The following RASA2 variants were observed in gnomAD, a reference collection of about 807,000 sequenced individuals.
RASA2 encodes RAS p21 protein activator 2.
In RASA2, 155 loss-of-function variants were observed where a neutral mutation model predicts 118.2. The ratio of observed to expected loss-of-function variants is 1.31; its 90% CI spans 1.15 to 1.50. The LOEUF is 1.50. Ranked by LOEUF, RASA2 falls within the 40% of genes most tolerant of loss-of-function variation. The pLI, the probability that RASA2 is intolerant of heterozygous loss-of-function variation, is 0.00. For synonymous variants in RASA2, 353 were observed against 349.1 expected (o/e 1.01, Z -0.12); for missense variants, 1,016 against 1,009.6 (o/e 1.01, Z -0.09).
chr3:141,494,405 G>C (rs2081674857), intron 1 of RASA2, among the ~76,000 whole-genome samples: 1 of 152,242 alleles, frequency 6.6e-6, no homozygotes, highest in Non-Finnish European at 1.5e-5. Context: ...TTAAATGAGA[G>C]TGAGGATTGC....
At chr3:141,580,492 A>G (rs114264974) in intron 16 of RASA2, 41 bp downstream of exon 16, 24,595 of 1,455,822 alleles carry the variant, frequency 0.017, 244 homozygotes, top group Middle Eastern at 0.02. Flanking sequence ...ACACTTCTAA[A>G]TGTTGTTACA....
chr3:141,554,324 A>G (rs749584945), intron 6 of RASA2, among the ~76,000 whole-genome samples: 3 of 152,190 alleles, frequency 2.0e-5, no homozygotes, highest in Non-Finnish European at 4.4e-5. Flanking sequence ...TAACAAGACA[A>G]TTTATATATT....
intron 5 of RASA2, among the ~76,000 whole-genome samples, chr3:141,550,869 A>G (rs916441214): frequency 2.6e-5 from 4 of 152,250 alleles, no homozygotes; most frequent in African/African-American, 4.8e-5. Context: ...AAACTGAAGT[A>G]CTGATTCTCA....
rs747214144 is a variant in RASA2, at chr3:141,512,220, G to T, written c.191G>T (p.Cys64Phe). 6.2e-7 allele frequency: 1 copy of T among 1,601,608 alleles called. No individual in the cohort carries two copies. Among genetic ancestry groups the T allele is most frequent in the African/African-American group, 1.4e-5 (1 of 74,006 alleles). The change falls in exon 2 of 24, where the codon TGT (cysteine) becomes TTT (phenylalanine). Residue 64 changes from cysteine (C) to phenylalanine (F), a missense_variant. Physicochemically the swap from Cys to Phe is radical, Grantham distance 205. This residue lies in a region of RASA2 where 896 missense variants were observed against 836.4 expected (regional missense o/e 1.07). Transcript: ENST00000286364. Reference protein sequence around the residue: ...LGPHKMRDCFCTINLDQEEVY... With the variant: ...LGPHKMRDCFFTINLDQEEVY... ...CCCCACAAAATGAGAGATTGTTTCTGTACCATAAATTTGGACCAGGAAGAA... is the reference window on the plus strand; with the variant it reads ...CCCCACAAAATGAGAGATTGTTTCTTTACCATAAATTTGGACCAGGAAGAA...
chr3:141,588,639 A>G (rs2083242746), intron 19 of RASA2, among the ~76,000 whole-genome samples: 1 of 152,148 alleles, frequency 6.6e-6, no homozygotes, highest in Non-Finnish European at 1.5e-5. Flanking sequence ...TAGAGTGATA[A>G]GAAAAAATTT....
Position 141,553,852 on chromosome 3 carries a change from C to T in RASA2, c.528-5C>T. 6.2e-7 allele frequency: 1 copy of T among 1,606,928 alleles called. No individual in the cohort carries two copies. Among genetic ancestry groups the T allele is most frequent in the African/African-American group, 1.3e-5 (1 of 74,548 alleles). ...ATATGTTAAATCTCTTTTATTCTAC[C>T]TTAGCATCAAGGCATGCCATGGGTT... On this transcript the variant is annotated splice_polypyrimidine_tract_variant and splice_region_variant and intron_variant, in intron 5 of 23. Transcript: ENST00000286364.
At chr3:141,580,084 AAATATATATATATAT>A (rs1213477104) in intron 15 of RASA2, among the ~76,000 whole-genome samples, 4 of 88,946 alleles carry the variant, frequency 4.5e-5, no homozygotes, top group East Asian at 4.0e-4. Flanking sequence ...AAAAAAAAAA[AAATATATATATATAT>A]ATATATATAT....
intron 1 of RASA2, among the ~76,000 whole-genome samples, chr3:141,510,071 G>C (rs1032598943): frequency 6.6e-6 from 1 of 151,874 alleles, no homozygotes; most frequent in African/African-American, 2.4e-5. Context: ...TTTTTTATAG[G>C]TGCTTCTTAG....
intron 19 of RASA2, chr3:141,590,213 G>A: frequency 2.2e-6 from 1 of 454,734 alleles, no homozygotes; most frequent in East Asian, 7.0e-5. Flanking sequence ...TTCTGATTTA[G>A]TGATATTTTC....
intron 3 of RASA2, among the ~76,000 whole-genome samples, chr3:141,517,457 A>G (rs74753755): frequency 0.011 from 1,719 of 152,176 alleles, 24 homozygotes; most frequent in African/African-American, 0.039. Context: ...GGCAGGAGAG[A>G]GGAGAGTTGG....
intron 17 of RASA2, among the ~76,000 whole-genome samples, chr3:141,584,175 A>T (rs1036341006): frequency 6.6e-6 from 1 of 152,014 alleles, no homozygotes; most frequent in Non-Finnish European, 1.5e-5. Flanking sequence ...TACTAAAAAT[A>T]CAAAAATTAG....
At chr3:141,529,304 A>G (rs2151093866) in intron 3 of RASA2, among the ~76,000 whole-genome samples, 1 of 152,256 alleles carries the variant, frequency 6.6e-6, no homozygotes, top group African/African-American at 2.4e-5. Flanking sequence ...CTAAATGCAG[A>G]TACATCTGCT....
intron 5 of RASA2, among the ~76,000 whole-genome samples, chr3:141,548,892 CTTAT>C (rs964512170): frequency 2.0e-5 from 3 of 152,162 alleles, no homozygotes; most frequent in African/African-American, 7.2e-5. Flanking sequence ...TCTCATCATT[CTTAT>C]TTATCTGGAA....
intron 1 of RASA2, among the ~76,000 whole-genome samples, chr3:141,501,306 C>T (rs1262915243): frequency 6.6e-6 from 1 of 151,998 alleles, no homozygotes; most frequent in African/African-American, 2.4e-5. Flanking sequence ...TCTGTTATAC[C>T]CAGTTGTTAT....
At chr3:141,580,294 T>TACTCTATTC in intron 15 of RASA2, 74 bp from the exon 16 acceptor site, 5 of 1,132,776 alleles carry the variant, frequency 4.4e-6, no homozygotes, top group Non-Finnish European at 6.4e-6. Flanking sequence ...GTAGTCCATT[T>TACTCTATTC]ACTCTATTCT....
At chr3:141,523,079 A>G (rs1408534760) in intron 3 of RASA2, among the ~76,000 whole-genome samples, 1 of 151,712 alleles carries the variant, frequency 6.6e-6, no homozygotes, top group East Asian at 1.9e-4. Context: ...CTTCTTATGT[A>G]TGGATATTTT....
chr3:141,569,780 CT>C (rs921577804), intron 9 of RASA2, among the ~76,000 whole-genome samples: 5 of 152,090 alleles, frequency 3.3e-5, no homozygotes, highest in African/African-American at 4.8e-5. Flanking sequence ...CCCTACCCCC[CT>C]ATCTCCCTCC....
At chr3:141,595,803 A>T (rs1012255694) in intron 19 of RASA2, among the ~76,000 whole-genome samples, 4 of 151,574 alleles carry the variant, frequency 2.6e-5, no homozygotes, top group African/African-American at 9.7e-5. Flanking sequence ...TGATTTTCTG[A>T]TTTTTTGTAG....
chr3:141,570,980 T>C lies in RASA2; in HGVS notation c.932T>C (p.Leu311Ser). 6.2e-7 allele frequency: 1 copy of C among 1,612,594 alleles called. No homozygotes were observed. The highest frequency in any genetic ancestry group is 8.5e-7 in the Non-Finnish European group (1 of 1,179,170). The change falls in exon 10 of 24, where the codon TTA becomes TCA. Residue 311 changes from leucine to serine, a missense_variant. By Grantham distance (145) the Leu-to-Ser change is moderately radical. Coordinates refer to ENST00000286364, the MANE Select transcript of RASA2 (RefSeq NM_006506.5). Reference protein sequence around the residue: ...SKTDDLGSLRLNICYTEDYVL... With the variant: ...SKTDDLGSLRSNICYTEDYVL... ...ACTGATGACCTGGGGTCTCTTCGAT[T>C]AAATATATGTTATACAGAAGACTAC...
Sources: allele counts gnomAD v4.1 joint callset (sites outside exome capture counted in the v4.1 genomes callset), GRCh38; gene constraint gnomAD v4.1.1; regional missense constraint gnomAD v4.1.1; transcripts MANE v1.5; gene names NCBI Gene and HGNC (gene_info 2026-07-23, HGNC 2026-07-21).